The following LEPROT variants were observed in gnomAD, a reference collection of about 807,000 sequenced individuals.
LEPROT encodes leptin receptor overlapping transcript.
LEPROT carries 3 observed loss-of-function variants against 15.4 expected under a neutral mutation model. The ratio of observed to expected loss-of-function variants is 0.19; its 90% CI spans 0.09 to 0.50. The LOEUF (loss-of-function observed/expected upper bound fraction) is 0.50. Ranked by LOEUF, LEPROT falls within the 20% of genes least tolerant of loss-of-function variation. The pLI, the probability that LEPROT is intolerant of heterozygous loss-of-function variation, is 0.97. For missense variants in LEPROT, 137 were observed against 162.2 expected (o/e 0.84, Z 0.84); for synonymous variants, 59 against 57.5 (o/e 1.03, Z -0.12).
intron 2 of LEPROT, chr1:65,427,707 G>A (rs1364725437): frequency 1.0e-5 from 3 of 292,118 alleles, no homozygotes; most frequent in African/African-American, 4.4e-5. Flanking sequence ...GTCTTTGTAA[G>A]GTAAGAAAAT....
chr1:65,425,831 A>G (rs369360153), intron 2 of LEPROT, among the ~76,000 whole-genome samples: 41 of 152,318 alleles, frequency 2.7e-4, no homozygotes, highest in African/African-American at 9.1e-4. Context: ...AGGTGGATGA[A>G]TAAGAGTTTT....
In LEPROT at chr1:65,425,478, C is replaced by T. The variant is rs565639857; in HGVS notation, c.92+100C>T. 21 of 991,828 alleles carry T rather than the reference C, an allele frequency of 2.1e-5. No individual in the cohort carries two copies. The East Asian group carries it at 5.5e-4, about 26-fold the overall frequency. The allele number at this position is 991,828 out of a possible 1,614,324, so 61.4% of individuals were successfully genotyped here. ...CGGTCAATTTAGCACCAAGTTCTAACCAGTGAGTTAGTGGAGCCCAGTTTA... is the reference window on the plus strand; with the variant it reads ...CGGTCAATTTAGCACCAAGTTCTAATCAGTGAGTTAGTGGAGCCCAGTTTA... On this transcript the variant is annotated intron_variant, in intron 2 of 3. Transcript: ENST00000371065.
chr1:65,425,428 C>A, intron 2 of LEPROT, 50 bp downstream of exon 2: 2 of 1,496,654 alleles, frequency 1.3e-6, no homozygotes, highest in South Asian at 1.2e-5. Flanking sequence ...GTCTTTGTCA[C>A]TATTAGTATG....
chr1:65,429,931 A>T lies in LEPROT; in HGVS notation c.162A>T (p.Arg54Ser), dbSNP rs777253310. ...CCATCCCCCATTTCATTGCCAAAAG[A>T]GTCACCTATGACTCAGATGCAACCA... ...ISPIPHFIAK[R>S]VTYDSDATSS... is the part of the protein sequence containing the mutation. The change falls in exon 3 of 4, where the codon AGA becomes AGT. Residue 54 changes from arginine to serine, a missense_variant. By Grantham distance (110) the Arg-to-Ser change is moderately radical. Coordinates refer to ENST00000371065, the MANE Select transcript of LEPROT (RefSeq NM_017526.5). 6.4e-7 allele frequency: 1 copy of T among 1,559,590 alleles called. No homozygotes were observed. The highest frequency in any genetic ancestry group is 1.2e-5 in the South Asian group (1 of 85,340).
intron 1 of LEPROT, among the ~76,000 whole-genome samples, chr1:65,424,059 A>G (rs1288870906): frequency 2.6e-5 from 4 of 152,238 alleles, no homozygotes; most frequent in African/African-American, 9.6e-5. Context: ...CAAAGTCATA[A>G]GACCAGATGG....
At position 65,435,321 on chromosome 1, in the gene LEPROT, T is replaced by G; in HGVS notation, c.*3402T>G. On this transcript the variant is annotated 3_prime_UTR_variant, in exon 4 of 4. Transcript: ENST00000371065. The stretch of plus-strand genomic sequence containing the variant: ...TATGTTAATAACCTTCTTTATGTTC[T>G]CAGGGAAATGCTTAGGTGGTGTCAC... The G allele has an allele frequency of 1.0e-6, 1 of 984,578 alleles. No individual in the cohort carries two copies. Among genetic ancestry groups the G allele is most frequent in the Non-Finnish European group, 1.2e-6 (1 of 829,282 alleles). 61.0% of individuals were successfully genotyped at this position (984,578 alleles called of 1,614,324 possible). A position where few individuals can be genotyped will look rare whatever the true frequency, so the allele number is the denominator to read the frequency against.
intron 1 of LEPROT, among the ~76,000 whole-genome samples, chr1:65,421,782 G>A (rs928843385): frequency 6.6e-6 from 1 of 152,148 alleles, no homozygotes; most frequent in Non-Finnish European, 1.5e-5. Flanking sequence ...ATGAAAAGTA[G>A]TGTCTCAGTA....
intron 2 of LEPROT, among the ~76,000 whole-genome samples, chr1:65,427,532 C>G (rs953871057): frequency 6.6e-6 from 1 of 152,098 alleles, no homozygotes; most frequent in Non-Finnish European, 1.5e-5. Flanking sequence ...GCAGTCCAGC[C>G]TGGGCGACAG....
rs1346976933 is a variant in LEPROT at position 65,420,863 on chromosome 1, C to G, written c.16+123C>G. 83 of 1,235,084 alleles carry G rather than the reference C, an allele frequency of 6.7e-5. 1 individual carries two copies. Among genetic ancestry groups the G allele is most frequent in the Non-Finnish European group, 8.6e-5 (75 of 874,434 alleles). 76.5% of individuals were successfully genotyped at this position (1,235,084 alleles called of 1,614,324 possible). A position where few individuals can be genotyped will look rare whatever the true frequency, so the allele number is the denominator to read the frequency against. ...GGCCTCACCACCCTTCCCGCCTCTC[C>G]GGTTCGGGAGGCGATCGACCGCTCC... On this transcript the variant is annotated intron_variant, in intron 1 of 3. Coordinates refer to ENST00000371065, the MANE Select transcript of LEPROT (RefSeq NM_017526.5).
intron 1 of LEPROT, among the ~76,000 whole-genome samples, chr1:65,424,692 G>C (rs962924616): frequency 2.6e-5 from 4 of 152,226 alleles, no homozygotes; most frequent in Non-Finnish European, 4.4e-5. Flanking sequence ...GGTGCAGTCA[G>C]ATCTGGTGTC....
chr1:65,433,033 A>T lies in LEPROT; in HGVS notation c.*1114A>T, dbSNP rs555665919. The T allele has an allele frequency of 5.6e-5, 55 of 985,146 alleles. No homozygotes were observed. Among genetic ancestry groups the T allele is most frequent in the Non-Finnish European group, 6.5e-5 (54 of 829,768 alleles). The allele number at this position is 985,146 out of a possible 1,614,324, so 61.0% of individuals were successfully genotyped here. On this transcript the variant is annotated 3_prime_UTR_variant, in exon 4 of 4. Coordinates refer to ENST00000371065, the MANE Select transcript of LEPROT (RefSeq NM_017526.5). ...TCATCTGAAAGACAATGCTGGGGGA[A>T]GAGCTCCACTGAGATGCGGGCAGGG...
Position 65,432,748 on chromosome 1 carries a change from C to A in LEPROT, c.*829C>A, listed in dbSNP as rs138179297. ...GATTTTTTTTTAAAGATCACTTGCACAGCATGCTAAATATAGGAATAATTG... is the reference window on the plus strand; with the variant it reads ...GATTTTTTTTTAAAGATCACTTGCAAAGCATGCTAAATATAGGAATAATTG... On this transcript the variant is annotated 3_prime_UTR_variant, in exon 4 of 4. Coordinates refer to ENST00000371065, the MANE Select transcript of LEPROT (RefSeq NM_017526.5). The A allele has an allele frequency of 3.5e-6, 2 of 572,028 alleles. No individual in the cohort carries two copies. Among genetic ancestry groups the A allele is most frequent in the East Asian group, 1.4e-4 (1 of 6,932 alleles). 35.4% of individuals were successfully genotyped at this position (572,028 alleles called of 1,614,324 possible). A position where few individuals can be genotyped will look rare whatever the true frequency, so the allele number is the denominator to read the frequency against.
chr1:65,429,412 A>G (rs527548311), intron 2 of LEPROT, among the ~76,000 whole-genome samples: 4 of 152,326 alleles, frequency 2.6e-5, no homozygotes, highest in Middle Eastern at 3.4e-3. Context: ...ATAATACCAG[A>G]CCATAAAGGC....
rs375424495 is a variant in LEPROT at position 65,434,455 on chromosome 1, G to A, written c.*2536G>A. On this transcript the variant is annotated 3_prime_UTR_variant, in exon 4 of 4. Coordinates refer to ENST00000371065, the MANE Select transcript of LEPROT (RefSeq NM_017526.5). ...GGATTCTTTATCATGTTTCAAACAA[G>A]TGGGTTACAAGCAGACTTTGAGACA... is the stretch of plus-strand genomic sequence containing the variant. 2 of 985,354 alleles carry A rather than the reference G, an allele frequency of 2.0e-6. No individual in the cohort carries two copies. Among genetic ancestry groups the A allele is most frequent in the African/African-American group, 3.5e-5 (2 of 57,326 alleles). The allele number at this position is 985,354 out of a possible 1,614,324, so 61.0% of individuals were successfully genotyped here.
chr1:65,429,213 A>G (rs1646437085), intron 2 of LEPROT, among the ~76,000 whole-genome samples: 2 of 152,128 alleles, frequency 1.3e-5, no homozygotes, highest in African/African-American at 2.4e-5. Context: ...TTTAGATCAC[A>G]TGGTATGAAG....
chr1:65,429,961 T>A lies in LEPROT; in HGVS notation c.192T>A (p.Ser64Arg). ...CCTATGACTCAGATGCAACCAGTAG[T>A]GCCTGTCGGGAACTGGCATATTTCT... ...RVTYDSDATS[S>R]ACRELAYFFT... is the part of the protein sequence containing the mutation. The change falls in exon 3 of 4, where the codon AGT (serine) becomes AGA (arginine). Residue 64 changes from serine (S) to arginine (R), a missense_variant. Physicochemically the swap from Ser to Arg is moderately radical, Grantham distance 110 (BLOSUM62 -1). Transcript: ENST00000371065. 6.3e-7 allele frequency: 1 copy of A among 1,580,076 alleles called. No individual in the cohort carries two copies. The highest frequency in any genetic ancestry group is 8.7e-7 in the Non-Finnish European group (1 of 1,154,246).
At position 65,433,878 on chromosome 1, in the gene LEPROT, G is replaced by A. The variant is rs534960076; in HGVS notation, c.*1959G>A. 1.7e-5 allele frequency: 17 copies of A among 985,308 alleles called. No individual in the cohort carries two copies. In the African/African-American group the frequency reaches 2.3e-4, roughly 13 times the overall value. The allele number at this position is 985,308 out of a possible 1,614,324, so 61.0% of individuals were successfully genotyped here. A position where few individuals can be genotyped will look rare whatever the true frequency, so the allele number is the denominator to read the frequency against. ...AACAAAAATGAGAGAATTTCTTGAT[G>A]TTTTAAAATGGGCAGTTTTGAGCAA... is the stretch of plus-strand genomic sequence containing the variant. On this transcript the variant is annotated 3_prime_UTR_variant, in exon 4 of 4. Coordinates refer to ENST00000371065, the MANE Select transcript of LEPROT (RefSeq NM_017526.5).
chr1:65,421,433 G>C, intron 1 of LEPROT: 3 of 1,536,032 alleles, frequency 2.0e-6, no homozygotes, highest in Non-Finnish European at 2.6e-6. Context: ...GACGGAAAAG[G>C]TTTTTTGCAA....
intron 2 of LEPROT, 38 bp downstream of exon 2, chr1:65,425,416 G>T (rs748870867): frequency 6.4e-7 from 1 of 1,551,222 alleles, no homozygotes; most frequent in Non-Finnish European, 8.8e-7. Flanking sequence ...TCCTCTTTCT[G>T]TGTCTTTGTC....
Sources: allele counts gnomAD v4.1 joint callset (sites outside exome capture counted in the v4.1 genomes callset), GRCh38; gene constraint gnomAD v4.1.1; transcripts MANE v1.5; gene names NCBI Gene and HGNC (gene_info 2026-07-23, HGNC 2026-07-21).